RBFOX1: variants seen among roughly 807,000 people sequenced by gnomAD.
RBFOX1 encodes RNA binding protein fox-1 homolog 1.
Under a neutral mutation model 57.7 loss-of-function variants are expected in RBFOX1, and 8 were observed. The observed-to-expected ratio is 0.14, with a 90% CI of 0.08 to 0.25. The LOEUF (loss-of-function observed/expected upper bound fraction) is 0.25. Among genes scored for constraint, RBFOX1 ranks in the 10% least tolerant of loss-of-function variants. The pLI, the probability that RBFOX1 is intolerant of heterozygous loss-of-function variation, is 1.00. For synonymous variants in RBFOX1, 326 were observed against 222.4 expected (o/e 1.47, Z -4.15); for missense variants, 611 against 548.5 (o/e 1.11, Z -1.14).
chr16:6,849,265 TAA>T (rs548876102), intron 3 of RBFOX1, among the ~76,000 whole-genome samples: 83 of 152,336 alleles, frequency 5.4e-4, no homozygotes, highest in Non-Finnish European at 9.3e-4. Context: ...CCGTGGCACC[TAA>T]AAGTTAGCTC....
intron 1 of RBFOX1, among the ~76,000 whole-genome samples, chr16:5,396,048 A>C (rs936603244): frequency 2.0e-5 from 3 of 152,208 alleles, no homozygotes; most frequent in African/African-American, 7.2e-5. Flanking sequence ...CAACTAAGCC[A>C]TGCCTAGACC....
chr16:6,263,275 G>A (rs2097712675), intron 1 of RBFOX1, among the ~76,000 whole-genome samples: 1 of 152,138 alleles, frequency 6.6e-6, no homozygotes, highest in Non-Finnish European at 1.5e-5. Context: ...CCCAGTCTTA[G>A]CTGGAATCAT....
At chr16:6,924,285 A>G (rs978133708) in intron 3 of RBFOX1, among the ~76,000 whole-genome samples, 10 of 152,156 alleles carry the variant, frequency 6.6e-5, no homozygotes, top group Admixed American at 5.9e-4. Flanking sequence ...TGGCTCCAGC[A>G]TCTGCTCTGC....
intron 1 of RBFOX1, among the ~76,000 whole-genome samples, chr16:6,034,077 G>A (rs578051848): frequency 4.6e-5 from 7 of 152,142 alleles, no homozygotes; most frequent in South Asian, 4.1e-4. Flanking sequence ...GCTCATGCCC[G>A]TAATCCCAGC....
intron 1 of RBFOX1, among the ~76,000 whole-genome samples, chr16:6,125,598 G>T (rs115831568): frequency 1.3e-5 from 2 of 152,180 alleles, no homozygotes; most frequent in Non-Finnish European, 2.9e-5. Context: ...CATGGGAATC[G>T]TGTACCCAAA....
In RBFOX1 at chr16:6,876,638, T is replaced by C. The variant is rs78757496; in HGVS notation, c.-15-175419T>C. On this transcript the variant is annotated intron_variant, in intron 3 of 15. Transcript: ENST00000550418. ...AAAAGACTTGTATCTATTTTTTTTT[T>C]CTAAGAGTACATTTCTCACCTAGGG... Among the ~76,000 whole-genome samples the C allele has an allele frequency of 1.1e-4, 16 of 152,304 alleles. No individual in the cohort carries two copies. The East Asian group carries it at 2.3e-3, about 22-fold the overall frequency.
intron 14 of RBFOX1, among the ~76,000 whole-genome samples, chr16:7,681,045 G>C (rs1384517710): frequency 6.6e-6 from 1 of 152,118 alleles, no homozygotes; most frequent in African/African-American, 2.4e-5. Context: ...AGTTAAATAT[G>C]ACATTCATAA....
chr16:6,860,792 G>T (rs1005339639), intron 3 of RBFOX1, among the ~76,000 whole-genome samples: 1 of 152,158 alleles, frequency 6.6e-6, no homozygotes, highest in Non-Finnish European at 1.5e-5. Context: ...GTAATTTGCA[G>T]CAGGAGACAT....
rs548234407 is a variant in RBFOX1 at position 5,671,617 on chromosome 16, A to G, written c.318+72656A>G. Among the ~76,000 whole-genome samples, 49 of 152,324 alleles carry G rather than the reference A, an allele frequency of 3.2e-4. No individual in the cohort carries two copies. The South Asian group carries it at 5.8e-3, about 18-fold the overall frequency. On this transcript the variant is annotated intron_variant, in intron 3 of 19. Coordinates refer to the RBFOX1 transcript ENST00000641259. ...GGTAATTATAATAGACTGTAGAGAC[A>G]AGCTGTTCTTCGTTTCCTATACAGA...
At chr16:7,035,241 C>T (rs2044049107) in intron 3 of RBFOX1, among the ~76,000 whole-genome samples, 1 of 151,974 alleles carries the variant, frequency 6.6e-6, no homozygotes, top group Admixed American at 6.6e-5. Context: ...CAGGATACTC[C>T]AAGTGAGAAC....
At chr16:5,376,817 A>C (rs1414846225) in intron 1 of RBFOX1, among the ~76,000 whole-genome samples, 2 of 151,630 alleles carry the variant, frequency 1.3e-5, no homozygotes, top group African/African-American at 4.9e-5. Flanking sequence ...TAAAGTCCCC[A>C]GTAGCAGCCT....
intron 3 of RBFOX1, among the ~76,000 whole-genome samples, chr16:6,936,470 T>C (rs576899157): frequency 6.6e-6 from 1 of 152,268 alleles, no homozygotes; most frequent in Admixed American, 6.5e-5. Context: ...ATTACTTTCT[T>C]CCTTCATCCA....
At chr16:7,270,435 C>A (rs1041105103) in intron 4 of RBFOX1, among the ~76,000 whole-genome samples, 2 of 152,114 alleles carry the variant, frequency 1.3e-5, no homozygotes, top group African/African-American at 4.8e-5. Flanking sequence ...AAGATACCAT[C>A]GGGCAGATTC....
At chr16:6,484,392 TG>T (rs1393826969) in intron 2 of RBFOX1, among the ~76,000 whole-genome samples, 2 of 152,168 alleles carry the variant, frequency 1.3e-5, no homozygotes, top group Non-Finnish European at 2.9e-5. Flanking sequence ...CTGTTTCCCA[TG>T]GAAGAGAGAT....
At chr16:5,336,526 C>G (rs1313286941) in intron 1 of RBFOX1, among the ~76,000 whole-genome samples, 1 of 152,148 alleles carries the variant, frequency 6.6e-6, no homozygotes, top group African/African-American at 2.4e-5. Flanking sequence ...ATGAGCCGTC[C>G]TAGGTATGGT....
intron 3 of RBFOX1, among the ~76,000 whole-genome samples, chr16:6,891,202 A>G (rs1402055000): frequency 6.6e-6 from 1 of 152,226 alleles, no homozygotes; most frequent in Non-Finnish European, 1.5e-5. Flanking sequence ...TGGCTACAAT[A>G]ATATTTGTAG....
intron 1 of RBFOX1, among the ~76,000 whole-genome samples, chr16:6,021,869 C>T (rs894988088): frequency 1.3e-5 from 2 of 152,168 alleles, no homozygotes; most frequent in East Asian, 1.9e-4. Context: ...AAGCACTAAA[C>T]ATTTAGAACA....
chr16:6,500,439 G>A (rs534943699), intron 2 of RBFOX1, among the ~76,000 whole-genome samples: 1 of 152,174 alleles, frequency 6.6e-6, no homozygotes, highest in Non-Finnish European at 1.5e-5. Flanking sequence ...ACAAAGCACA[G>A]TGACTCCAAA....
intron 3 of RBFOX1, among the ~76,000 whole-genome samples, chr16:6,764,969 T>C (rs1603617529): frequency 6.6e-6 from 1 of 151,956 alleles, no homozygotes; most frequent in Non-Finnish European, 1.5e-5. Flanking sequence ...AAAGAGTAAA[T>C]TAATGGGATA....
Sources: gnomAD v4.1 joint callset for allele counts (sites outside exome capture counted in the v4.1 genomes callset) on GRCh38, gnomAD v4.1.1 for gene constraint, MANE v1.5 for transcripts, NCBI Gene and HGNC (gene_info 2026-07-23, HGNC 2026-07-21) for gene names.